LDB2: variants seen among roughly 807,000 people sequenced by gnomAD.
LDB2 encodes LIM domain-binding protein 2.
In LDB2, 12 loss-of-function variants were observed where a neutral mutation model predicts 44.3. That is an observed-to-expected ratio of 0.27 (90% CI 0.17 to 0.44). LDB2 has a LOEUF of 0.44. LDB2 is among the 20% of genes least tolerant of loss of function. The pLI, the probability that LDB2 is intolerant of heterozygous loss-of-function variation, is 1.00. For synonymous variants in LDB2, 164 were observed against 174.8 expected, an observed-to-expected ratio of 0.94 and a Z score of 0.49; for missense variants, 344 against 473.5, an observed-to-expected ratio of 0.73 and a Z score of 2.54.
At chr4:16,631,265 T>C (rs1731868973) in intron 2 of LDB2, among the ~76,000 whole-genome samples, 1 of 152,136 alleles carries the variant, frequency 6.6e-6, no homozygotes, top group South Asian at 2.1e-4. Flanking sequence ...AAAGTAGAAC[T>C]CAGGATTAAG....
intron 2 of LDB2, among the ~76,000 whole-genome samples, chr4:16,728,152 T>C (rs2152692743): frequency 6.6e-6 from 1 of 152,104 alleles, no homozygotes; most frequent in South Asian, 2.1e-4. Flanking sequence ...GGGCAGGGTG[T>C]GGAAAGAAGG....
At chr4:16,821,383 T>A (rs111346608) in intron 1 of LDB2, among the ~76,000 whole-genome samples, 58,612 of 112,170 alleles carry the variant, frequency 0.52, 12,113 homozygotes, top group East Asian at 0.73. Flanking sequence ...TGAATTTTTT[T>A]TTTATTTTTT....
At chr4:16,609,974 G>A (rs918208091) in intron 2 of LDB2, among the ~76,000 whole-genome samples, 1 of 152,054 alleles carries the variant, frequency 6.6e-6, no homozygotes, top group Non-Finnish European at 1.5e-5. Context: ...GTCCCTTCGG[G>A]TCAGAGATCC....
At chr4:16,558,222 C>G (rs562275525) in intron 5 of LDB2, among the ~76,000 whole-genome samples, 13 of 152,250 alleles carry the variant, frequency 8.5e-5, no homozygotes, top group East Asian at 5.8e-4. Context: ...ATGACTTTGA[C>G]GAGCTGAGAG....
At chr4:16,729,042 G>A (rs753931435) in intron 2 of LDB2, among the ~76,000 whole-genome samples, 4 of 152,116 alleles carry the variant, frequency 2.6e-5, no homozygotes, top group Non-Finnish European at 4.4e-5. Context: ...CATGAAAGAC[G>A]GTTCATGTCA....
chr4:16,571,036 T>C (rs1233490552), intron 5 of LDB2, among the ~76,000 whole-genome samples: 1 of 152,098 alleles, frequency 6.6e-6, no homozygotes, highest in Non-Finnish European at 1.5e-5. Flanking sequence ...ACTTGGTATG[T>C]TGGAAAAGCA....
rs111778305 is a variant in LDB2 at position 16,724,220 on chromosome 4, G to T, written c.235+34938C>A. On this transcript the variant is annotated intron_variant, in intron 2 of 7. Coordinates refer to ENST00000304523, the MANE Select transcript of LDB2 (RefSeq NM_001290.5). ...TCTCTGGTCAGCTTTCTGTCCCAAGGTCTGTTATATTTGAAACTACCAAGA... is the reference window on the plus strand; with the variant it reads ...TCTCTGGTCAGCTTTCTGTCCCAAGTTCTGTTATATTTGAAACTACCAAGA... Among the ~76,000 whole-genome samples the T allele has an allele frequency of 4.2e-3, 634 of 152,024 alleles. 4 individuals are homozygous for T. Among genetic ancestry groups the T allele is most frequent in the African/African-American group, 0.014 (600 of 41,464 alleles).
intron 2 of LDB2, among the ~76,000 whole-genome samples, chr4:16,597,499 C>T (rs1276336991): frequency 6.6e-6 from 1 of 152,096 alleles, no homozygotes; most frequent in African/African-American, 2.4e-5. Flanking sequence ...TGCTAAAATC[C>T]ATATTGTACT....
chr4:16,638,631 T>G (rs1734278658), intron 2 of LDB2, among the ~76,000 whole-genome samples: 1 of 152,234 alleles, frequency 6.6e-6, no homozygotes, highest in Admixed American at 6.5e-5. Flanking sequence ...TTTACAACCC[T>G]TTTTATACCG....
chr4:16,603,262 C>T (rs1351081232), intron 2 of LDB2, among the ~76,000 whole-genome samples: 1 of 152,146 alleles, frequency 6.6e-6, no homozygotes, highest in South Asian at 2.1e-4. Flanking sequence ...TTAATGACTT[C>T]CATAATAAGT....
chr4:16,688,517 G>C (rs147461918), intron 2 of LDB2, among the ~76,000 whole-genome samples: 1 of 152,258 alleles, frequency 6.6e-6, no homozygotes, highest in Non-Finnish European at 1.5e-5. Flanking sequence ...GCACAAAATG[G>C]CATTTTGTTT....
At chr4:16,603,366 G>T (rs897635573) in intron 2 of LDB2, among the ~76,000 whole-genome samples, 1 of 152,204 alleles carries the variant, frequency 6.6e-6, no homozygotes, top group East Asian at 1.9e-4. Context: ...GGGATGCAGA[G>T]ATGTTAATCA....
chr4:16,805,248 C>A (rs1457267069), intron 1 of LDB2, among the ~76,000 whole-genome samples: 3 of 152,186 alleles, frequency 2.0e-5, no homozygotes, highest in Non-Finnish European at 4.4e-5. Flanking sequence ...GGGACATCAA[C>A]CTATGAATTT....
chr4:16,774,963 C>T (rs1244456841), intron 1 of LDB2, among the ~76,000 whole-genome samples: 4 of 151,992 alleles, frequency 2.6e-5, no homozygotes, highest in South Asian at 2.1e-4. Flanking sequence ...AAGTAATAAA[C>T]GAAAGAAAAT....
intron 5 of LDB2, among the ~76,000 whole-genome samples, chr4:16,579,290 A>T (rs1280579204): frequency 6.6e-6 from 1 of 152,208 alleles, no homozygotes; most frequent in Non-Finnish European, 1.5e-5. Flanking sequence ...CATGTAACTT[A>T]TAAATATATA....
At chr4:16,686,885 G>C (rs1485752079) in intron 2 of LDB2, among the ~76,000 whole-genome samples, 1 of 152,054 alleles carries the variant, frequency 6.6e-6, no homozygotes, top group Non-Finnish European at 1.5e-5. Flanking sequence ...TGGTGGGGTT[G>C]GGGGGATCCT....
At chr4:16,624,938 C>A (rs779816305) in intron 2 of LDB2, among the ~76,000 whole-genome samples, 5 of 152,126 alleles carry the variant, frequency 3.3e-5, no homozygotes, top group Non-Finnish European at 5.9e-5. Context: ...GCTTAAAGAT[C>A]AATCACCTAG....
intron 1 of LDB2, among the ~76,000 whole-genome samples, chr4:16,791,018 C>A (rs927704833): frequency 6.6e-6 from 1 of 152,186 alleles, no homozygotes; most frequent in South Asian, 2.1e-4. Flanking sequence ...AAAAGCCCAA[C>A]TGCCTGGCTC....
chr4:16,535,146 T>A (rs1010692154), intron 5 of LDB2, among the ~76,000 whole-genome samples: 4 of 152,200 alleles, frequency 2.6e-5, no homozygotes, highest in Non-Finnish European at 4.4e-5. Flanking sequence ...AGGACTGAAG[T>A]AATTGCTAGT....
Sources: gnomAD v4.1 joint callset for allele counts (sites outside exome capture counted in the v4.1 genomes callset) on GRCh38, gnomAD v4.1.1 for gene constraint, MANE v1.5 for transcripts, NCBI Gene and HGNC (gene_info 2026-07-23, HGNC 2026-07-21) for gene names.